Variants in CREG2 observed in about 807,000 individuals in gnomAD.
CREG2 encodes protein CREG2.
Under a neutral mutation model 26.2 loss-of-function variants are expected in CREG2, and 24 were observed. That is an observed-to-expected ratio of 0.92 (90% confidence interval 0.66 to 1.29). CREG2 has a LOEUF of 1.29. Among genes scored for constraint, CREG2 ranks in the 50% most tolerant of loss-of-function variants. The pLI, the probability that CREG2 is intolerant of heterozygous loss-of-function variation, is 0.00. For synonymous variants in CREG2, 174 were observed against 169.2 expected (o/e 1.03, Z -0.22); for missense variants, 366 against 398.6 (o/e 0.92, Z 0.70).
Position 101,345,745 on chromosome 2 carries a change from T to C in CREG2, c.*5178A>G, listed in dbSNP as rs1003152242. On this transcript the variant is annotated 3_prime_UTR_variant, in exon 4 of 4. Transcript: ENST00000324768. The stretch of plus-strand genomic sequence containing the variant: ...AGCAATCAAATAAGCATCAATAAAT[T>C]ATCCTAGAGAGGTTTTATTTTCAGA... 2.0e-5 allele frequency: 3 copies of C among 152,202 alleles called. No individual in the cohort carries two copies. The highest frequency in any genetic ancestry group is 7.2e-5 in the African/African-American group (3 of 41,440). The allele number at this position is 152,202 out of a possible 1,614,324, so 9.4% of individuals were successfully genotyped here.
At chr2:101,386,129 A>G (rs1157240393) in intron 1 of CREG2, among the ~76,000 whole-genome samples, 3 of 152,374 alleles carry the variant, frequency 2.0e-5, no homozygotes, top group Non-Finnish European at 4.4e-5. Context: ...TAAGCAAAAA[A>G]GGACCTTAAA....
rs373073657 is a variant in CREG2, at chr2:101,355,292, G to A, written c.686C>T (p.Pro229Leu). 3.1e-6 allele frequency: 5 copies of A among 1,613,652 alleles called. No homozygotes were observed. The African/African-American group carries it at 6.7e-5, about 22-fold the overall frequency. ...TTGCTTGGCAAATTCTACTTCTTCT[G>A]GAGACACTGCGATCATCTGGCCAGT... ...TLTGQMIAVS[P>L]EEVEFAKQAM... The change falls in exon 3 of 4, where the codon CCA becomes CTA. Residue 229 changes from proline (P) to leucine (L), a missense_variant. Coordinates refer to ENST00000324768, the MANE Select transcript of CREG2 (RefSeq NM_153836.4).
At chr2:101,377,814 C>T (rs1220003650) in intron 2 of CREG2, among the ~76,000 whole-genome samples, 1 of 152,134 alleles carries the variant, frequency 6.6e-6, no homozygotes, top group Non-Finnish European at 1.5e-5. Context: ...AATAAACTAA[C>T]AATTATTAGG....
At chr2:101,385,904 C>T (rs535949518) in intron 1 of CREG2, among the ~76,000 whole-genome samples, 3 of 152,280 alleles carry the variant, frequency 2.0e-5, no homozygotes, top group South Asian at 4.1e-4. Context: ...TACATTGGCA[C>T]GAGACTATTT....
chr2:101,360,273 A>C (rs1684520585), intron 2 of CREG2, among the ~76,000 whole-genome samples: 1 of 152,084 alleles, frequency 6.6e-6, no homozygotes, highest in South Asian at 2.1e-4. Context: ...ACAAATACTA[A>C]ACCTCCTGAA....
At chr2:101,367,698 GGATC>G (rs148049140) in intron 2 of CREG2, among the ~76,000 whole-genome samples, 1,903 of 152,226 alleles carry the variant, frequency 0.013, 44 homozygotes, top group African/African-American at 0.043. Context: ...ATTAAGTTAG[GGATC>G]CTGAGAGAGA....
intron 2 of CREG2, among the ~76,000 whole-genome samples, chr2:101,363,396 T>C: frequency 6.6e-6 from 1 of 152,244 alleles, no homozygotes; most frequent in East Asian, 1.9e-4. Flanking sequence ...AAGTAGTCCT[T>C]CTCTTGCTAC....
chr2:101,373,437 A>G (rs1385690759), intron 2 of CREG2, among the ~76,000 whole-genome samples: 1 of 152,250 alleles, frequency 6.6e-6, no homozygotes, highest in Non-Finnish European at 1.5e-5. Context: ...AATGATTGCC[A>G]GGGGCTAAAA....
At position 101,345,609 on chromosome 2, in the gene CREG2, T is replaced by C. The variant is rs1051528311; in HGVS notation, c.*5314A>G. ...ATCATATCAGGAATGAAATAGTCTTTGGTTAAATAGATCTAGTTTTGAAAA... is the reference window on the plus strand; with the variant it reads ...ATCATATCAGGAATGAAATAGTCTTCGGTTAAATAGATCTAGTTTTGAAAA... On this transcript the variant is annotated 3_prime_UTR_variant, in exon 4 of 4. Coordinates refer to ENST00000324768, the MANE Select transcript of CREG2 (RefSeq NM_153836.4). The C allele has an allele frequency of 6.6e-6, 1 of 152,236 alleles. No individual in the cohort carries two copies. The highest frequency in any genetic ancestry group is 2.4e-5 in the African/African-American group (1 of 41,464). 9.4% of individuals were successfully genotyped at this position (152,236 alleles called of 1,614,324 possible).
Position 101,387,193 on chromosome 2 carries a change from C to T in CREG2, c.265G>A (p.Ala89Thr). Reference protein sequence around the residue: ...HKEDAHLRPRAGAARARPPPA... With the variant: ...HKEDAHLRPRTGAARARPPPA... ...GGCGGCCTGGCCCGGGCGGCGCCCGCCCGGGGCCGCAGGTGCGCGTCCTCC... is the reference window on the plus strand; with the variant it reads ...GGCGGCCTGGCCCGGGCGGCGCCCGTCCGGGGCCGCAGGTGCGCGTCCTCC... Residue 89 changes from alanine (A) to threonine (T), a missense_variant, in exon 1 of 4, where the codon GCG becomes ACG. Transcript: ENST00000324768. The surrounding 1 kb of genome is among the most constrained non-coding windows in gnomAD (Gnocchi z 4.7). 7.4e-7 allele frequency: 1 copy of T among 1,357,032 alleles called. No individual in the cohort carries two copies. Among genetic ancestry groups the T allele is most frequent in the South Asian group, 1.8e-5 (1 of 55,014 alleles). 84.1% of individuals were successfully genotyped at this position (1,357,032 alleles called of 1,614,324 possible).
At chr2:101,361,231 G>T (rs1419254455) in intron 2 of CREG2, among the ~76,000 whole-genome samples, 1 of 152,190 alleles carries the variant, frequency 6.6e-6, no homozygotes, top group Non-Finnish European at 1.5e-5. Context: ...GGAAAACCCA[G>T]CTAAACTTGG....
At chr2:101,365,901 A>G (rs988181271) in intron 2 of CREG2, among the ~76,000 whole-genome samples, 2 of 152,162 alleles carry the variant, frequency 1.3e-5, no homozygotes, top group African/African-American at 4.8e-5. Flanking sequence ...ACCCCGCCCT[A>G]CCAGTAGACC....
At chr2:101,380,955 G>T (rs1056863180) in intron 2 of CREG2, among the ~76,000 whole-genome samples, 1 of 150,280 alleles carries the variant, frequency 6.7e-6, no homozygotes, top group African/African-American at 2.5e-5. Flanking sequence ...AAAAAAAAAT[G>T]CTGTTGCAAG....
intron 3 of CREG2, among the ~76,000 whole-genome samples, chr2:101,354,122 A>G (rs1048978254): frequency 6.6e-6 from 1 of 152,198 alleles, no homozygotes; most frequent in Non-Finnish European, 1.5e-5. Flanking sequence ...ACTTAAAATA[A>G]AAATAAAAAA....
chr2:101,350,641 C>T lies in CREG2; in HGVS notation c.*282G>A. The T allele has an allele frequency of 3.4e-6, 1 of 294,710 alleles. No individual in the cohort carries two copies. Among genetic ancestry groups the T allele is most frequent in the South Asian group, 1.1e-4 (1 of 9,120 alleles). The allele number at this position is 294,710 out of a possible 1,614,324, so 18.3% of individuals were successfully genotyped here. ...AATGATCTCAACATGTCATTTTGAC[C>T]ACCAGCTATTATATGATTTCTGAAT... is the stretch of plus-strand genomic sequence containing the variant. On this transcript the variant is annotated 3_prime_UTR_variant, in exon 4 of 4. Transcript: ENST00000324768.
intron 3 of CREG2, among the ~76,000 whole-genome samples, chr2:101,354,530 A>G (rs1220553859): frequency 1.3e-5 from 2 of 152,064 alleles, no homozygotes; most frequent in Non-Finnish European, 2.9e-5. Context: ...CCTCTACTGC[A>G]GACCAATGCC....
Position 101,350,674 on chromosome 2 carries a change from T to C in CREG2, c.*249A>G, listed in dbSNP as rs1684367615. On this transcript the variant is annotated 3_prime_UTR_variant, in exon 4 of 4. Transcript: ENST00000324768. ...ATTATATGATTTCTGAATCGATGAG[T>C]CTGGATTGAATACAATGGAATAAAG... The C allele has an allele frequency of 2.3e-6, 1 of 430,278 alleles. No individual in the cohort carries two copies. Among genetic ancestry groups the C allele is most frequent in the Non-Finnish European group, 4.1e-6 (1 of 241,970 alleles). The allele number at this position is 430,278 out of a possible 1,614,324, so 26.7% of individuals were successfully genotyped here. A position where few individuals can be genotyped will look rare whatever the true frequency, so the allele number is the denominator to read the frequency against.
rs745548719 is a variant in CREG2 at position 101,387,188 on chromosome 2, G to A, written c.270C>T (p.Gly90=). ...KEDAHLRPRA[G]AARARPPPAP... is the part of the protein sequence containing the mutation. ...CGGGGGGCGGCCTGGCCCGGGCGGCGCCCGCCCGGGGCCGCAGGTGCGCGT... is the reference window on the plus strand; with the variant it reads ...CGGGGGGCGGCCTGGCCCGGGCGGCACCCGCCCGGGGCCGCAGGTGCGCGT... The change falls in exon 1 of 4, where the codon GGC becomes GGT. Residue 90 remains glycine (G), a synonymous_variant. Transcript: ENST00000324768. The surrounding 1 kb of genome is among the most constrained non-coding windows in gnomAD (Gnocchi z 4.7). The A allele has an allele frequency of 3.0e-6, 4 of 1,344,008 alleles. No homozygotes were observed. Among genetic ancestry groups the A allele is most frequent in the Non-Finnish European group, 2.9e-6 (3 of 1,037,200 alleles). The allele number at this position is 1,344,008 out of a possible 1,614,324, so 83.3% of individuals were successfully genotyped here. A position where few individuals can be genotyped will look rare whatever the true frequency, so the allele number is the denominator to read the frequency against.
At chr2:101,386,911 G>A in intron 1 of CREG2, 106 bp downstream of exon 1, 1 of 1,132,004 alleles carries the variant, frequency 8.8e-7, no homozygotes, top group Non-Finnish European at 1.1e-6. Flanking sequence ...GGCACGTCTG[G>A]TGGACCCGGA....
Sources: gnomAD v4.1 joint callset for allele counts (sites outside exome capture counted in the v4.1 genomes callset) on GRCh38, gnomAD v4.1.1 for gene constraint, Gnocchi (gnomAD v3.1) non-coding constraint, MANE v1.5 for transcripts, NCBI Gene and HGNC (gene_info 2026-07-23, HGNC 2026-07-21) for gene names.